Variants in VWF observed in about 807,000 individuals in gnomAD.
VWF encodes von Willebrand factor, also known as Factor VIII related antigen.
VWF carries 176 observed loss-of-function variants against 308.6 expected under a neutral mutation model. The ratio of observed to expected loss-of-function variants is 0.57; its 90% CI spans 0.50 to 0.65. The LOEUF (loss-of-function observed/expected upper bound fraction) is 0.65. Among genes scored for constraint, VWF ranks in the 30% least tolerant of loss-of-function variants. The probability of loss-of-function intolerance (pLI) is 0.00; values close to 1 mark genes in which losing one functional copy is unlikely to be tolerated. For synonymous variants in VWF, 1,385 were observed against 1,443.4 expected (o/e 0.96, Z 0.92); for missense variants, 3,146 against 3,648.2 (o/e 0.86, Z 3.55).
chr12:6,062,351 C>T (rs1591893698), intron 13 of VWF, among the ~76,000 whole-genome samples: 2 of 152,262 alleles, frequency 1.3e-5, no homozygotes, highest in Middle Eastern at 6.8e-3. Context: ...CATCCCTCCA[C>T]TTCCTGTGCC....
chr12:6,081,442 G>A (rs1944909191), intron 6 of VWF, among the ~76,000 whole-genome samples: 1 of 152,022 alleles, frequency 6.6e-6, no homozygotes, highest in Admixed American at 6.5e-5. Flanking sequence ...CTGGTTCAAG[G>A]GATTCTCCTG....
chr12:6,033,039 C>T (rs80336293), intron 20 of VWF, among the ~76,000 whole-genome samples: 6,091 of 152,198 alleles, frequency 0.04, 150 homozygotes, highest in African/African-American at 0.062. Flanking sequence ...CATGCTCATG[C>T]ATACACACAT....
intron 47 of VWF, among the ~76,000 whole-genome samples, chr12:5,967,194 C>T (rs1269346995): frequency 1.3e-5 from 2 of 152,108 alleles, no homozygotes; most frequent in African/African-American, 4.8e-5. Flanking sequence ...TCTTAAAATA[C>T]ATAAAGGGAT....
intron 40 of VWF, among the ~76,000 whole-genome samples, chr12:5,983,845 T>C (rs565805866): frequency 6.7e-4 from 89 of 133,434 alleles, no homozygotes; most frequent in African/African-American, 2.2e-3. Flanking sequence ...TAAATAGATA[T>C]ATAGCTTAGA....
intron 46 of VWF, among the ~76,000 whole-genome samples, 153 bp from the exon 47 acceptor site, chr12:5,967,755 G>A (rs1015844983): frequency 1.3e-5 from 2 of 151,786 alleles, no homozygotes; most frequent in Non-Finnish European, 2.9e-5. Flanking sequence ...CTGCCTTCCC[G>A]TCCTCCCACC....
At chr12:6,062,805 C>T (rs1944668947) in intron 13 of VWF, 149 bp downstream of exon 13, 2 of 673,692 alleles carry the variant, frequency 3.0e-6, no homozygotes, top group South Asian at 1.8e-5. Flanking sequence ...GCCTCATAAA[C>T]AAGAGAGGCC....
chr12:5,960,034 G>T (rs1348779358), intron 47 of VWF, among the ~76,000 whole-genome samples: 1 of 147,452 alleles, frequency 6.8e-6, no homozygotes, highest in Non-Finnish European at 1.5e-5. Context: ...GCAAAAGTTG[G>T]ATCTTTGAAA....
chr12:5,977,538 T>C (rs1591839383), intron 42 of VWF, among the ~76,000 whole-genome samples: 1 of 152,202 alleles, frequency 6.6e-6, no homozygotes. Flanking sequence ...TATACATGTA[T>C]AAAATTCAGT....
intron 20 of VWF, among the ~76,000 whole-genome samples, chr12:6,033,487 A>T (rs1227771849): frequency 6.6e-6 from 1 of 152,170 alleles, no homozygotes; most frequent in African/African-American, 2.4e-5. Flanking sequence ...TTTTTCCTGG[A>T]TGTTCAGATT....
intron 17 of VWF, 73 bp from the exon 18 acceptor site, chr12:6,044,524 T>C (rs1944427713): frequency 2.6e-6 from 4 of 1,541,502 alleles, no homozygotes; most frequent in Non-Finnish European, 2.6e-6. Context: ...TGTCCTTTGG[T>C]CCCCTAGAGT....
rs1186834648 is a variant in VWF at position 6,063,544 on chromosome 12, CAT to C, written c.1433-492_1433-491del. 6.6e-6 allele frequency among the ~76,000 whole-genome samples: 1 copy of C among 152,112 alleles called. No homozygotes were observed. Among genetic ancestry groups the C allele is most frequent in the Non-Finnish European group, 1.5e-5 (1 of 68,020 alleles). On this transcript the variant is annotated intron_variant, in intron 12 of 51. Coordinates refer to ENST00000261405, the MANE Select transcript of VWF (RefSeq NM_000552.5). This position sits in a 1 kb window ranked among gnomAD's most constrained non-coding sequence, Gnocchi z 4.9. ...ACACCCCTTGCCCTGGGGGAACAAACATATCTTATAAGGAGACACACAGCATA... is the reference window on the plus strand; with the variant it reads ...ACACCCCTTGCCCTGGGGGAACAAACATCTTATAAGGAGACACACAGCATA...
At chr12:6,079,784 T>C (rs1302571149) in intron 6 of VWF, among the ~76,000 whole-genome samples, 2 of 152,098 alleles carry the variant, frequency 1.3e-5, no homozygotes, top group African/African-American at 2.4e-5. Flanking sequence ...AGTCTAACTA[T>C]GTATGTCCCA....
In VWF at chr12:6,016,506, C is replaced by T. The variant is rs780347330; in HGVS notation, c.5311+10G>A. On this transcript the variant is annotated intron_variant, in intron 30 of 51. Coordinates refer to ENST00000261405, the MANE Select transcript of VWF (RefSeq NM_000552.5). ...CAGCTTCTGCATCCAGCCTGTGGCA[C>T]CAACGTTACCGATTTGGCTGGGGCC... 10 of 1,613,286 alleles carry T rather than the reference C, an allele frequency of 6.2e-6. No homozygotes were observed. In the African/African-American group the frequency reaches 9.3e-5, roughly 15 times the overall value.
intron 16 of VWF, among the ~76,000 whole-genome samples, chr12:6,051,212 G>A (rs1016808615): frequency 2.0e-5 from 3 of 151,430 alleles, no homozygotes; most frequent in Non-Finnish European, 4.4e-5. Context: ...GAATGGATAC[G>A]TTGGGGCTCC....
At chr12:6,117,239 G>A (rs1945377886) in intron 3 of VWF, among the ~76,000 whole-genome samples, 1 of 152,214 alleles carries the variant, frequency 6.6e-6, no homozygotes, top group South Asian at 2.1e-4. Context: ...ATAATGACCT[G>A]GTGGGGAATC....
chr12:6,056,767 A>T, intron 15 of VWF, 90 bp downstream of exon 15: 2 of 1,159,652 alleles, frequency 1.7e-6, no homozygotes, highest in Non-Finnish European at 2.2e-6. Context: ...CTCTTTCCAC[A>T]GGAAACAACG....
intron 7 of VWF, among the ~76,000 whole-genome samples, chr12:6,074,049 C>A (rs1023229490): frequency 1.3e-5 from 2 of 152,152 alleles, no homozygotes; most frequent in African/African-American, 2.4e-5. Context: ...TCACCTAAAA[C>A]CCTTTCAGAG....
chr12:5,968,428 T>G (rs1943431114), intron 45 of VWF, among the ~76,000 whole-genome samples: 1 of 152,112 alleles, frequency 6.6e-6, no homozygotes, highest in African/African-American at 2.4e-5. Flanking sequence ...GAATTTACAT[T>G]TAAGAGATGG....
At chr12:6,079,412 C>G (rs1241766597) in intron 6 of VWF, among the ~76,000 whole-genome samples, 2 of 152,034 alleles carry the variant, frequency 1.3e-5, no homozygotes, top group African/African-American at 4.8e-5. Flanking sequence ...CAAGACCATC[C>G]TGGCTAACAC....
Sources: gnomAD v4.1 joint callset for allele counts (sites outside exome capture counted in the v4.1 genomes callset) on GRCh38, gnomAD v4.1.1 for gene constraint, Gnocchi (gnomAD v3.1) non-coding constraint, MANE v1.5 for transcripts, NCBI Gene and HGNC (gene_info 2026-07-23, HGNC 2026-07-21) for gene names.